The following CKMT2 variants were observed in gnomAD, a reference collection of about 807,000 sequenced individuals.
CKMT2 encodes the protein creatine kinase, mitochondrial 2.
CKMT2 carries 43 observed loss-of-function variants against 48.9 expected under a neutral mutation model. The observed-to-expected ratio is 0.88, with a 90% confidence interval of 0.69 to 1.13. The LOEUF (loss-of-function observed/expected upper bound fraction) is 1.13. CKMT2 is among the 50% of genes most tolerant of loss of function. The pLI, the probability that CKMT2 is intolerant of heterozygous loss-of-function variation, is 0.00. For synonymous variants in CKMT2, 206 were observed against 213.0 expected (o/e 0.97, Z 0.29); for missense variants, 472 against 555.4 (o/e 0.85, Z 1.51).
intron 9 of CKMT2, 129 bp downstream of exon 9, chr5:81,263,745 T>C (rs1757308176): frequency 1.5e-6 from 1 of 682,240 alleles, no homozygotes; most frequent in South Asian, 2.5e-5. Context: ...TCCTGAGTTA[T>C]GTTAGCTTTT....
Position 81,266,351 on chromosome 5 carries a change from A to G in CKMT2, c.*93A>G. 2.5e-6 allele frequency: 3 copies of G among 1,205,994 alleles called. No individual in the cohort carries two copies. Among genetic ancestry groups the G allele is most frequent in the South Asian group, 2.9e-5 (2 of 69,358 alleles). The allele number at this position is 1,205,994 out of a possible 1,614,324, so 74.7% of individuals were successfully genotyped here. A position where few individuals can be genotyped will look rare whatever the true frequency, so the allele number is the denominator to read the frequency against. ...AGTTTTTATACACTTGGAAAAATAT[A>G]AAATTGTAGATCCTGCCTATCTTTA... On this transcript the variant is annotated 3_prime_UTR_variant, in exon 10 of 10. Transcript: ENST00000254035.
intron 2 of CKMT2, 86 bp from the exon 3 acceptor site, chr5:81,252,599 GGGAGCCTAGT>G: frequency 7.9e-7 from 1 of 1,268,540 alleles, no homozygotes; most frequent in Non-Finnish European, 1.1e-6. Context: ...ACTGGCTGAA[GGGAGCCTAGT>G]GGAAGGATGG....
chr5:81,261,887 A>G lies in CKMT2; in HGVS notation c.1015-1604A>G, dbSNP rs573510537. On this transcript the variant is annotated intron_variant, in intron 8 of 9. Transcript: ENST00000254035. ...AAAAAGGAGCGCATATAGCCAAGTC[A>G]ATCCTAAGCAAAAAGAACAAAGCTG... Among the ~76,000 whole-genome samples, 24 of 152,354 alleles carry G rather than the reference A, an allele frequency of 1.6e-4. No individual in the cohort carries two copies. The South Asian group carries it at 5.0e-3, about 32-fold the overall frequency.
At chr5:81,256,435 T>C (rs2112813099) in intron 5 of CKMT2, among the ~76,000 whole-genome samples, 1 of 152,356 alleles carries the variant, frequency 6.6e-6, no homozygotes, top group East Asian at 1.9e-4. Context: ...GCATTAATGG[T>C]AACTATATTT....
intron 1 of CKMT2, chr5:81,242,466 A>G (rs1756470616): frequency 2.0e-6 from 1 of 506,274 alleles, no homozygotes; most frequent in Non-Finnish European, 3.8e-6. Flanking sequence ...GAGGTCGCCT[A>G]CTCATTCCCC....
chr5:81,257,173 T>A (rs1323863191), intron 6 of CKMT2, among the ~76,000 whole-genome samples, 173 bp downstream of exon 6: 1 of 143,018 alleles, frequency 7.0e-6, no homozygotes, highest in Admixed American at 7.5e-5. Context: ...TGTGTGTGTG[T>A]GTGTGTGTGT....
chr5:81,255,353 A>G (rs1756968590), intron 5 of CKMT2, 139 bp downstream of exon 5: 5 of 703,774 alleles, frequency 7.1e-6, no homozygotes, highest in Non-Finnish European at 7.3e-6. Flanking sequence ...TCAGCCCAAG[A>G]GCATCTACTT....
chr5:81,236,740 G>T (rs1756255514), intron 1 of CKMT2, among the ~76,000 whole-genome samples: 1 of 152,206 alleles, frequency 6.6e-6, no homozygotes, highest in South Asian at 2.1e-4. Context: ...GAACTGGGGA[G>T]CCCAATTGGT....
chr5:81,246,402 C>A (rs1370940554), intron 1 of CKMT2, among the ~76,000 whole-genome samples: 1 of 152,016 alleles, frequency 6.6e-6, no homozygotes, highest in African/African-American at 2.4e-5. Flanking sequence ...CTTTGCTGTT[C>A]TACTCTCTGC....
chr5:81,259,940 G>A (rs139331822), intron 8 of CKMT2, among the ~76,000 whole-genome samples: 13 of 152,112 alleles, frequency 8.5e-5, no homozygotes, highest in South Asian at 2.1e-4. Flanking sequence ...GCATCACATC[G>A]CACTTATTGT....
intron 1 of CKMT2, among the ~76,000 whole-genome samples, chr5:81,242,170 C>T (rs1051637466): frequency 1.1e-4 from 16 of 152,154 alleles, no homozygotes; most frequent in Admixed American, 2.0e-4. Context: ...TACCAGGAAA[C>T]GGAGCAGGTA....
At chr5:81,251,051 C>A in intron 1 of CKMT2, 62 bp from the exon 2 acceptor site, 1 of 1,329,620 alleles carries the variant, frequency 7.5e-7, no homozygotes, top group Non-Finnish European at 1.1e-6. Flanking sequence ...GCCCATTGAC[C>A]CCTATGTTGT....
Position 81,247,755 on chromosome 5 carries a change from C to T in CKMT2, c.-20-3358C>T, listed in dbSNP as rs763451023. Among the ~76,000 whole-genome samples, 13 of 152,162 alleles carry T rather than the reference C, an allele frequency of 8.5e-5. No individual in the cohort carries two copies. The East Asian group carries it at 1.7e-3, about 20-fold the overall frequency. On this transcript the variant is annotated intron_variant, in intron 1 of 9. Coordinates refer to ENST00000254035, the MANE Select transcript of CKMT2 (RefSeq NM_001099735.2). ...AATTCAATGCCTCTTTGTGTTCTGG[C>T]GAGACAAAAACAGAGTCAAGGAAGC...
chr5:81,266,021 ATTG>A (rs748998991), intron 9 of CKMT2, 115 bp from the exon 10 acceptor site: 731 of 792,536 alleles, frequency 9.2e-4, no homozygotes, highest in Non-Finnish European at 1.4e-3. Flanking sequence ...GAAGGAAGGA[ATTG>A]TTGTGAAGTC....
intron 2 of CKMT2, 21 bp from the exon 3 acceptor site, chr5:81,252,674 C>T (rs1388854917): frequency 3.7e-6 from 6 of 1,612,686 alleles, no homozygotes; most frequent in Non-Finnish European, 5.1e-6. Flanking sequence ...TGGCTGACAG[C>T]CTGCCCTCCT....
intron 1 of CKMT2, chr5:81,235,827 G>A (rs991960273): frequency 1.3e-5 from 2 of 152,238 alleles, no homozygotes; most frequent in African/African-American, 4.8e-5. Flanking sequence ...TTTTGGCTCT[G>A]TCTGGCTGTG....
chr5:81,252,296 G>C (rs1370639561), intron 2 of CKMT2: 3 of 217,956 alleles, frequency 1.4e-5, no homozygotes, highest in African/African-American at 6.9e-5. Context: ...ATCTCTGAGG[G>C]AATCGCCAGC....
intron 9 of CKMT2, 142 bp downstream of exon 9, chr5:81,263,758 T>C: frequency 1.7e-6 from 1 of 595,642 alleles, no homozygotes; most frequent in Non-Finnish European, 2.8e-6. Context: ...TAGCTTTTCA[T>C]TCTGTAACAT....
At chr5:81,265,529 T>C (rs1282178114) in intron 9 of CKMT2, among the ~76,000 whole-genome samples, 1 of 152,206 alleles carries the variant, frequency 6.6e-6, no homozygotes, top group East Asian at 1.9e-4. Flanking sequence ...GAAAAAAAAA[T>C]TAAGTAGATG....
Sources: allele counts gnomAD v4.1 joint callset (sites outside exome capture counted in the v4.1 genomes callset), GRCh38; gene constraint gnomAD v4.1.1; transcripts MANE v1.5; gene names NCBI Gene and HGNC (gene_info 2026-07-23, HGNC 2026-07-21).